NRXN3: variants seen among roughly 807,000 people sequenced by gnomAD.
NRXN3 encodes the protein neurexin 3.
NRXN3 carries 32 observed loss-of-function variants against 137.6 expected under a neutral mutation model. The ratio of observed to expected loss-of-function variants is 0.23; its 90% confidence interval spans 0.18 to 0.31. The LOEUF is 0.31. Ranked by LOEUF, NRXN3 falls within the 10% of genes least tolerant of loss-of-function variation. The probability of loss-of-function intolerance (pLI) is 1.00; values close to 1 mark genes in which losing one functional copy is unlikely to be tolerated. For synonymous variants in NRXN3, 798 were observed against 784.5 expected (o/e 1.02, Z -0.29); for missense variants, 1,574 against 2,062.5 (o/e 0.76, Z 4.59).
chr14:78,220,971 G>C (rs1350745172), intron 1 of NRXN3, among the ~76,000 whole-genome samples: 1 of 152,096 alleles, frequency 6.6e-6, no homozygotes, highest in African/African-American at 2.4e-5. Flanking sequence ...TTGGGGAAAA[G>C]TTGAAGGATT....
intron 4 of NRXN3, among the ~76,000 whole-genome samples, chr14:78,435,128 G>A (rs1162072450): frequency 6.6e-6 from 1 of 152,162 alleles, no homozygotes; most frequent in Non-Finnish European, 1.5e-5. Context: ...AGTTCCTTTG[G>A]AGATTCATGT....
At chr14:79,539,115 A>G (rs1435967230) in intron 16 of NRXN3, among the ~76,000 whole-genome samples, 2 of 152,126 alleles carry the variant, frequency 1.3e-5, no homozygotes, top group African/African-American at 4.8e-5. Context: ...CCTGGAGTGC[A>G]GTGGCACGAT....
At chr14:79,129,994 T>C (rs1211116675) in intron 15 of NRXN3, among the ~76,000 whole-genome samples, 2 of 151,836 alleles carry the variant, frequency 1.3e-5, no homozygotes, top group African/African-American at 4.8e-5. Context: ...GAGACTAGGA[T>C]TGCAACCCCT....
intron 10 of NRXN3, among the ~76,000 whole-genome samples, chr14:78,893,310 C>T (rs1217914123): frequency 1.3e-5 from 2 of 151,982 alleles, no homozygotes; most frequent in African/African-American, 4.8e-5. Flanking sequence ...AAAATTCCTC[C>T]TCTTTTCTCT....
chr14:78,455,616 C>T (rs1391088984), intron 4 of NRXN3, among the ~76,000 whole-genome samples: 1 of 152,166 alleles, frequency 6.6e-6, no homozygotes, highest in African/African-American at 2.4e-5. Context: ...TTGTACAGCA[C>T]TTCATATTTA....
intron 16 of NRXN3, among the ~76,000 whole-genome samples, chr14:79,549,500 C>T (rs2097353408): frequency 6.6e-6 from 1 of 152,094 alleles, no homozygotes; most frequent in African/African-American, 2.4e-5. Flanking sequence ...TTCCTTTCAC[C>T]AAAACACACA....
chr14:79,298,430 G>T (rs2084570568), intron 15 of NRXN3, among the ~76,000 whole-genome samples: 1 of 152,090 alleles, frequency 6.6e-6, no homozygotes. Flanking sequence ...AGAAGGCCAG[G>T]TGATCGAGCA....
At chr14:78,629,189 A>C (rs1248354994) in intron 4 of NRXN3, among the ~76,000 whole-genome samples, 2 of 152,166 alleles carry the variant, frequency 1.3e-5, no homozygotes, top group Non-Finnish European at 2.9e-5. Context: ...AATGATGCTT[A>C]CTGTTTAAGG....
At chr14:79,094,732 T>C (rs1278803578) in intron 15 of NRXN3, among the ~76,000 whole-genome samples, 5 of 152,154 alleles carry the variant, frequency 3.3e-5, no homozygotes, top group African/African-American at 4.8e-5. Context: ...TAAATATCCA[T>C]TAAAAAGCTG....
At chr14:79,039,255 T>C (rs1300739027) in intron 15 of NRXN3, among the ~76,000 whole-genome samples, 1 of 152,158 alleles carries the variant, frequency 6.6e-6, no homozygotes, top group Non-Finnish European at 1.5e-5. Flanking sequence ...CTGTGAATGA[T>C]GTACTCACTG....
At chr14:78,904,173 C>T (rs1203835876) in intron 10 of NRXN3, among the ~76,000 whole-genome samples, 1 of 152,024 alleles carries the variant, frequency 6.6e-6, no homozygotes, top group Non-Finnish European at 1.5e-5. Context: ...AGAGCCTGGC[C>T]ATTTTTTAGG....
intron 4 of NRXN3, among the ~76,000 whole-genome samples, chr14:78,544,247 G>A (rs1322060746): frequency 1.3e-5 from 2 of 152,102 alleles, no homozygotes; most frequent in East Asian, 3.9e-4. Flanking sequence ...AGGATATGAG[G>A]GCACAAGAGG....
chr14:78,845,428 A>G (rs1335897534), intron 10 of NRXN3, among the ~76,000 whole-genome samples: 1 of 152,090 alleles, frequency 6.6e-6, no homozygotes, highest in Non-Finnish European at 1.5e-5. Flanking sequence ...ATAAATTCTT[A>G]CTTTTAGTAT....
intron 6 of NRXN3, among the ~76,000 whole-genome samples, chr14:78,669,754 A>G (rs989962232): frequency 2.6e-5 from 4 of 152,182 alleles, no homozygotes; most frequent in Non-Finnish European, 5.9e-5. Context: ...CATGCTAATA[A>G]CTATAATTAG....
intron 2 of NRXN3, among the ~76,000 whole-genome samples, chr14:78,263,454 C>T (rs966034218): frequency 2.0e-4 from 30 of 152,130 alleles, no homozygotes; most frequent in Non-Finnish European, 1.0e-4. Context: ...TTGGCATAAT[C>T]GGAATTAGAC....
intron 4 of NRXN3, among the ~76,000 whole-genome samples, chr14:78,529,242 C>G (rs1392201815): frequency 6.6e-6 from 1 of 152,144 alleles, no homozygotes; most frequent in African/African-American, 2.4e-5. Context: ...CAAGTTGCAG[C>G]AGGTGGAATT....
intron 7 of NRXN3, among the ~76,000 whole-genome samples, chr14:78,713,926 G>T (rs1342058117): frequency 6.6e-6 from 1 of 152,198 alleles, no homozygotes; most frequent in Non-Finnish European, 1.5e-5. Flanking sequence ...TAAGATTTGG[G>T]TGGGAACACA....
At chr14:78,462,455 A>G (rs1005249256) in intron 4 of NRXN3, among the ~76,000 whole-genome samples, 1 of 152,320 alleles carries the variant, frequency 6.6e-6, no homozygotes, top group African/African-American at 2.4e-5. Flanking sequence ...ATGAGACACC[A>G]GGAGTAATTG....
chr14:79,143,729 A>T (rs1817984004), intron 15 of NRXN3, among the ~76,000 whole-genome samples: 1 of 152,186 alleles, frequency 6.6e-6, no homozygotes, highest in Admixed American at 6.5e-5. Context: ...TTTTGGAGAC[A>T]TTTGATACAA....
Sources: gnomAD v4.1 joint callset for allele counts (sites outside exome capture counted in the v4.1 genomes callset) on GRCh38, gnomAD v4.1.1 for gene constraint, MANE v1.5 for transcripts, NCBI Gene and HGNC (gene_info 2026-07-23, HGNC 2026-07-21) for gene names.